NACA: variants seen among roughly 807,000 people sequenced by gnomAD.
NACA encodes nascent polypeptide associated complex subunit alpha.
A neutral mutation model predicts 86.4 loss-of-function variants in NACA; 42 were observed. That is an observed-to-expected ratio of 0.49 (90% CI 0.38 to 0.63). NACA has a LOEUF of 0.63. Ranked by LOEUF, NACA falls within the 20% of genes least tolerant of loss-of-function variation. The probability of loss-of-function intolerance (pLI) is 0.00; values close to 1 mark genes in which losing one functional copy is unlikely to be tolerated. For synonymous variants in NACA, 898 were observed against 973.7 expected (o/e 0.92, Z 1.45); for missense variants, 2,157 against 2,483.6 (o/e 0.87, Z 2.80).
Position 56,716,820 on chromosome 12 carries a change from G to A in NACA, c.4710C>T (p.Ala1570=), listed in dbSNP as rs778207988. The A allele has an allele frequency of 6.0e-6, 8 of 1,325,896 alleles. No individual in the cohort carries two copies. In the South Asian group the frequency reaches 1.1e-4, roughly 17 times the overall value. The allele number at this position is 1,325,896 out of a possible 1,614,324, so 82.1% of individuals were successfully genotyped here. A position where few individuals can be genotyped will look rare whatever the true frequency, so the allele number is the denominator to read the frequency against. ...KTPAIPTPKE[A]PATPSSKEAS... is the part of the protein sequence containing the mutation. ...CCTCTTTGGAGGATGGGGTAGCTGG[G>A]GCTTCTTTGGGGGTTGGAATTGCTG... is the stretch of plus-strand genomic sequence containing the variant. Residue 1570 remains alanine (A), a synonymous_variant, in exon 3 of 9, where the codon GCC becomes GCT. Transcript: ENST00000454682.
chr12:56,718,982 G>GT lies in NACA; in HGVS notation c.2547dup (p.Pro850ThrfsTer79). 1 of 1,447,618 alleles carries GT rather than the reference G, an allele frequency of 6.9e-7. No homozygotes were observed. The highest frequency in any genetic ancestry group is 9.3e-7 in the Non-Finnish European group (1 of 1,071,442). The allele number at this position is 1,447,618 out of a possible 1,614,324, so 89.7% of individuals were successfully genotyped here. A position where few individuals can be genotyped will look rare whatever the true frequency, so the allele number is the denominator to read the frequency against. ...GGAGTGGGAGAATGCGTCGTGGCTG[G>GT]TGAGTCTTTAGAGCCTTGGAAAGAA... is the stretch of plus-strand genomic sequence containing the variant. On this transcript the variant is annotated frameshift_variant, in exon 3 of 9. Transcript: ENST00000454682. LOFTEE classifies it high-confidence loss of function.
chr12:56,714,815 T>G, intron 3 of NACA, 128 bp from the exon 4 acceptor site: 1 of 832,520 alleles, frequency 1.2e-6, no homozygotes, highest in Non-Finnish European at 1.9e-6. Flanking sequence ...GTAAACCAAC[T>G]GGCTTGTGTG....
chr12:56,718,197 G>C lies in NACA; in HGVS notation c.3333C>G (p.Pro1111=). The stretch of plus-strand genomic sequence containing the variant: ...GGGTAGCTAGACCTCCTTTTGGGGA[G>C]GGAGGAGTTGCAGCTGGGGGCATGG... ...GAPMPPAATP[P]SPKGGLATPP... Residue 1111 remains proline, a synonymous_variant, in exon 3 of 9, where the codon CCC becomes CCG. Transcript: ENST00000454682. The C allele has an allele frequency of 2.7e-6, 3 of 1,096,484 alleles. No individual in the cohort carries two copies. Among genetic ancestry groups the C allele is most frequent in the Non-Finnish European group, 3.4e-6 (3 of 886,372 alleles). 67.9% of individuals were successfully genotyped at this position (1,096,484 alleles called of 1,614,324 possible).
At chr12:56,714,752 G>A in intron 3 of NACA, 65 bp from the exon 4 acceptor site, 1 of 1,439,212 alleles carries the variant, frequency 6.9e-7, no homozygotes, top group Non-Finnish European at 9.8e-7. Flanking sequence ...CTTCACCACA[G>A]CCTGCCCTGG....
chr12:56,723,470 T>A (rs1357270962), intron 2 of NACA, among the ~76,000 whole-genome samples: 1 of 152,202 alleles, frequency 6.6e-6, no homozygotes, highest in Non-Finnish European at 1.5e-5. Context: ...TTCCCTTCCT[T>A]AAGCCCCTTG....
In NACA at chr12:56,714,408, G is replaced by A. The variant is rs751984054; in HGVS notation, c.5777C>T (p.Pro1926Leu). Residue 1926 changes from proline (P) to leucine (L), a missense_variant, in exon 5 of 9, where the codon CCA (proline) becomes CTA (leucine). Pro to Leu is a moderately conservative substitution (Grantham distance 98). Transcript: ENST00000454682. Reference sequence around the variant, plus strand: ...CCGACTCTGTTTTGCTTTACTGACTGGTTCTTCATCAATTTCAGCTGCTGC... The same window carrying A: ...CCGACTCTGTTTTGCTTTACTGACTAGTTCTTCATCAATTTCAGCTGCTGC... ...LAAAAEIDEE[P>L]VSKAKQSRSE... is the part of the protein sequence containing the mutation. 8 of 1,614,004 alleles carry A rather than the reference G, an allele frequency of 5.0e-6. No individual in the cohort carries two copies. In the African/African-American group the frequency reaches 9.3e-5, roughly 19 times the overall value.
rs746982131 is a variant in NACA, at chr12:56,719,540, T to C, written c.1990A>G (p.Lys664Glu). 12 of 1,613,794 alleles carry C rather than the reference T, an allele frequency of 7.4e-6. No homozygotes were observed. The highest frequency in any genetic ancestry group is 1.3e-5 in the African/African-American group (1 of 74,920). The change falls in exon 3 of 9, where the codon AAA (lysine) becomes GAA (glutamate). Residue 664 changes from lysine (K) to glutamate (E), a missense_variant. This residue lies in a region of NACA where 947 missense variants were observed against 917.9 expected (regional missense o/e 1.03). Coordinates refer to ENST00000454682, the MANE Select transcript of NACA (RefSeq NM_001365896.1). ...DPAGVAPTTA[K>E]GTSTYTTTAS... Reference sequence around the variant, plus strand: ...GTAGTTGTATAAGTTGAGGTACCTTTGGCAGTTGTGGGAGCCACCCCGGCA... The same window carrying C: ...GTAGTTGTATAAGTTGAGGTACCTTCGGCAGTTGTGGGAGCCACCCCGGCA...
At chr12:56,723,140 T>C (rs1953619086) in intron 2 of NACA, among the ~76,000 whole-genome samples, 1 of 152,216 alleles carries the variant, frequency 6.6e-6, no homozygotes, top group Admixed American at 6.5e-5. Flanking sequence ...AATACTTGCT[T>C]TGACACCATC....
chr12:56,721,373 G>A lies in NACA; in HGVS notation c.157C>T (p.Pro53Ser), dbSNP rs1382252494. The change falls in exon 3 of 9, where the codon CCA becomes TCA. Residue 53 changes from proline (P) to serine (S), a missense_variant. Around this residue, in one of 8 missense-constraint regions of NACA, gnomAD observed 947 missense variants for 917.9 expected, o/e 1.03. Coordinates refer to ENST00000454682, the MANE Select transcript of NACA (RefSeq NM_001365896.1). ...GCAGCTGAGAGAGGGCACTGTTGTG[G>A]GGCAGGAGAGCAAGGAGGGGGGAGG... ...PTLPPPCSPA[P>S]QQCPLSAANQ... 17 of 1,591,592 alleles carry A rather than the reference G, an allele frequency of 1.1e-5. No individual in the cohort carries two copies. Among genetic ancestry groups the A allele is most frequent in the South Asian group, 9.1e-5 (8 of 88,342 alleles).
Position 56,716,204 on chromosome 12 carries a change from C to A in NACA, c.5326G>T (p.Ala1776Ser). 1 of 1,613,688 alleles carries A rather than the reference C, an allele frequency of 6.2e-7. No individual in the cohort carries two copies. Among genetic ancestry groups the A allele is most frequent in the Non-Finnish European group, 8.5e-7 (1 of 1,179,874 alleles). ...TTAGGAAGGACCTTCTCAAAGGCAG[C>A]TGCTGTTAGAGGGGTGGACGCCTTA... ...ESKASTPLTA[A>S]AFEKVLPKPE... Residue 1776 changes from alanine (A) to serine (S), a missense_variant, in exon 3 of 9, where the codon GCT (alanine) becomes TCT (serine). By Grantham distance (99) the Ala-to-Ser change is moderately conservative. This residue lies in a region of NACA where 797 missense variants were observed against 777.6 expected (regional missense o/e 1.02). Coordinates refer to ENST00000454682, the MANE Select transcript of NACA (RefSeq NM_001365896.1).
intron 2 of NACA, among the ~76,000 whole-genome samples, chr12:56,723,677 A>C (rs140007338): frequency 3.9e-5 from 6 of 152,340 alleles, no homozygotes; most frequent in African/African-American, 7.2e-5. Context: ...TTTAAAAAAA[A>C]CCAAAAAGGT....
In NACA at chr12:56,719,690, C is replaced by A. The variant is rs1321495117; in HGVS notation, c.1840G>T (p.Val614Phe). Residue 614 changes from valine to phenylalanine, a missense_variant, in exon 3 of 9, where the codon GTT becomes TTT. This residue lies in a region of NACA where 947 missense variants were observed against 917.9 expected (regional missense o/e 1.03). Coordinates refer to ENST00000454682, the MANE Select transcript of NACA (RefSeq NM_001365896.1). ...PASSMTSPLG[V>F]NSSASVIKTD... ...TTGATTACAGAGGCCGAGGAGTTAA[C>A]ACCCAGAGGGGAGGTCATACTGCTG... is the stretch of plus-strand genomic sequence containing the variant. 8 of 1,613,750 alleles carry A rather than the reference C, an allele frequency of 5.0e-6. No homozygotes were observed. In the Admixed American group the frequency reaches 1.2e-4, roughly 24 times the overall value.
chr12:56,718,468 C>T lies in NACA; in HGVS notation c.3062G>A (p.Gly1021Glu). 1 of 1,142,990 alleles carries T rather than the reference C, an allele frequency of 8.7e-7. No homozygotes were observed. The highest frequency in any genetic ancestry group is 1.1e-6 in the Non-Finnish European group (1 of 925,974). 70.8% of individuals were successfully genotyped at this position (1,142,990 alleles called of 1,614,324 possible). A position where few individuals can be genotyped will look rare whatever the true frequency, so the allele number is the denominator to read the frequency against. ...GGGGAATGGGGTAGCTGCTGGACTT[C>T]CTTTGGGGGAGGGAGGAGTCACAGC... ...PPAVTPPSPKGSPAATPFPKG... is the reference protein window; with the variant it reads ...PPAVTPPSPKESPAATPFPKG... The change falls in exon 3 of 9, where the codon GGA becomes GAA. Residue 1021 changes from glycine (G) to glutamate (E), a missense_variant. Gly to Glu is a moderately conservative substitution (Grantham distance 98, BLOSUM62 -2). Transcript: ENST00000454682.
intron 4 of NACA, 40 bp downstream of exon 4, chr12:56,714,562 G>C (rs769307925): frequency 3.1e-6 from 5 of 1,610,066 alleles, no homozygotes; most frequent in East Asian, 2.2e-5. Flanking sequence ...GATCAACCCT[G>C]CTTCTTTGAC....
chr12:56,712,446 G>A lies in NACA; in HGVS notation c.*92C>T. On this transcript the variant is annotated 3_prime_UTR_variant, in exon 9 of 9. Coordinates refer to ENST00000454682, the MANE Select transcript of NACA (RefSeq NM_001365896.1). The stretch of plus-strand genomic sequence containing the variant: ...ACCGACTGAATTCATCCAACAAGAA[G>A]CCATAACTTTATTTATGATAGAAAC... 2 of 1,327,688 alleles carry A rather than the reference G, an allele frequency of 1.5e-6. No homozygotes were observed. Among genetic ancestry groups the A allele is most frequent in the South Asian group, 1.3e-5 (1 of 78,992 alleles). The allele number at this position is 1,327,688 out of a possible 1,614,324, so 82.2% of individuals were successfully genotyped here.
In NACA at chr12:56,717,636, T is replaced by A; in HGVS notation, c.3894A>T (p.Lys1298Asn). The A allele has an allele frequency of 8.2e-7, 1 of 1,220,660 alleles. No homozygotes were observed. Among genetic ancestry groups the A allele is most frequent in the East Asian group, 4.2e-5 (1 of 23,950 alleles). 75.6% of individuals were successfully genotyped at this position (1,220,660 alleles called of 1,614,324 possible). A position where few individuals can be genotyped will look rare whatever the true frequency, so the allele number is the denominator to read the frequency against. Residue 1298 changes from lysine (K) to asparagine (N), a missense_variant, in exon 3 of 9, where the codon AAA (lysine) becomes AAT (asparagine). By Grantham distance (94) the Lys-to-Asn change is moderately conservative. Transcript: ENST00000454682. Reference protein sequence around the residue: ...NPAVVTPPSPKGGPATSPPKG... With the variant: ...NPAVVTPPSPNGGPATSPPKG... ...TGGGGGGTGAGGTAGCTGGGCCTCC[T>A]TTTGGAGAGGGAGGAGTTACAACTG...
At position 56,721,160 on chromosome 12, in the gene NACA, C is replaced by T. The variant is rs1261833261; in HGVS notation, c.370G>A (p.Ala124Thr). 9.3e-6 allele frequency: 15 copies of T among 1,613,714 alleles called. No homozygotes were observed. The Admixed American group carries it at 1.5e-4, about 16-fold the overall frequency. ...GAAGGGGTCCCTTTCAGAGTTGGAG[C>T]TATCATGGGAGAGGCTAGAGCTAAG... is the stretch of plus-strand genomic sequence containing the variant. Reference protein sequence around the residue: ...AALALASPMIAPTLKGTPSSS... With the variant: ...AALALASPMITPTLKGTPSSS... The change falls in exon 3 of 9, where the codon GCT becomes ACT. Residue 124 changes from alanine (A) to threonine (T), a missense_variant. Around this residue, in one of 8 missense-constraint regions of NACA, gnomAD observed 947 missense variants for 917.9 expected, o/e 1.03. Coordinates refer to ENST00000454682, the MANE Select transcript of NACA (RefSeq NM_001365896.1).
At position 56,724,531 on chromosome 12, in the gene NACA, A is replaced by T. The variant is rs1244488249; in HGVS notation, c.-2-8T>A. On this transcript the variant is annotated splice_region_variant and splice_polypyrimidine_tract_variant and intron_variant, in intron 1 of 8. Coordinates refer to ENST00000454682, the MANE Select transcript of NACA (RefSeq NM_001365896.1). ...TGGCTTCGCCGGGCATTTCTGAAGG[A>T]AGGGAATAAAAAGGAGGCCTAAATT... is the stretch of plus-strand genomic sequence containing the variant. 6.2e-7 allele frequency: 1 copy of T among 1,610,660 alleles called. No individual in the cohort carries two copies. Among genetic ancestry groups the T allele is most frequent in the Admixed American group, 1.7e-5 (1 of 59,456 alleles).
intron 2 of NACA, among the ~76,000 whole-genome samples, chr12:56,723,285 T>C (rs1953622125): frequency 6.6e-6 from 1 of 152,238 alleles, no homozygotes; most frequent in African/African-American, 2.4e-5. Flanking sequence ...TTTAATAGCA[T>C]TAAGGACTGT....
Sources: gnomAD v4.1 joint callset for allele counts (sites outside exome capture counted in the v4.1 genomes callset) on GRCh38, gnomAD v4.1.1 for gene constraint, gnomAD v4.1.1 regional missense constraint, MANE v1.5 for transcripts, NCBI Gene and HGNC (gene_info 2026-07-23, HGNC 2026-07-21) for gene names.